PDGFD: variants seen among roughly 807,000 people sequenced by gnomAD.
The protein encoded by PDGFD is platelet-derived growth factor D.
In PDGFD, 30 loss-of-function variants were observed where a neutral mutation model predicts 44.7. That is an observed-to-expected ratio of 0.67 (90% CI 0.50 to 0.91). The LOEUF (loss-of-function observed/expected upper bound fraction) is 0.91, where lower values mean the gene tolerates loss of function less well. PDGFD is among the 40% of genes least tolerant of loss of function. The pLI, the probability that PDGFD is intolerant of heterozygous loss-of-function variation, is 0.00. For missense variants in PDGFD, 445 were observed against 457.8 expected (o/e 0.97, Z 0.25); for synonymous variants, 173 against 168.4 (o/e 1.03, Z -0.21).
At chr11:104,009,897 C>A (rs985894544) in intron 1 of PDGFD, among the ~76,000 whole-genome samples, 2 of 152,108 alleles carry the variant, frequency 1.3e-5, no homozygotes, top group African/African-American at 4.8e-5. Flanking sequence ...GAGCTGAAGT[C>A]CTCCTGGGAC....
At chr11:104,037,847 T>C (rs780401320) in intron 1 of PDGFD, 4 of 1,614,164 alleles carry the variant, frequency 2.5e-6, no homozygotes, top group South Asian at 2.2e-5. Context: ...CAATGTTCCA[T>C]CGATTTGAAG....
Position 103,943,493 on chromosome 11 carries a change from G to T in PDGFD, c.731C>A (p.Pro244His), listed in dbSNP as rs1351510591. 1 of 1,613,110 alleles carries T rather than the reference G, an allele frequency of 6.2e-7. No individual in the cohort carries two copies. Among genetic ancestry groups the T allele is most frequent in the South Asian group, 1.1e-5 (1 of 91,014 alleles). The change falls in exon 5 of 7, where the codon CCT becomes CAT. Residue 244 changes from proline to histidine, a missense_variant. Transcript: ENST00000393158. ...ATGGTATGACCTGCCTCGATACCGA[G>T]GGGTGTCCAGATACATATTCTCAAG... Reference protein sequence around the residue: ...EDLENMYLDTPRYRGRSYHDR... With the variant: ...EDLENMYLDTHRYRGRSYHDR...
chr11:104,084,703 T>C (rs1044483726), intron 1 of PDGFD, among the ~76,000 whole-genome samples: 9 of 144,984 alleles, frequency 6.2e-5, no homozygotes, highest in African/African-American at 1.8e-4. Flanking sequence ...TATAATTTTA[T>C]AATTAATAAA....
chr11:104,144,455 G>A (rs1317072671), intron 1 of PDGFD, among the ~76,000 whole-genome samples: 1 of 134,888 alleles, frequency 7.4e-6, no homozygotes, highest in Admixed American at 8.3e-5. Flanking sequence ...GCAGTGAGCT[G>A]AGATTGCGCC....
chr11:104,106,590 C>T (rs993733238), intron 1 of PDGFD, among the ~76,000 whole-genome samples: 1 of 152,254 alleles, frequency 6.6e-6, no homozygotes, highest in African/African-American at 2.4e-5. Context: ...GTGCAAGGAA[C>T]TTTGTTGTAT....
chr11:104,135,244 T>C (rs1437738726), intron 1 of PDGFD, among the ~76,000 whole-genome samples: 1 of 152,232 alleles, frequency 6.6e-6, no homozygotes, highest in Non-Finnish European at 1.5e-5. Flanking sequence ...CAGCACCTGG[T>C]ATTGGCTGTT....
intron 1 of PDGFD, among the ~76,000 whole-genome samples, chr11:104,160,508 G>A (rs1040557812): frequency 3.3e-5 from 5 of 152,122 alleles, no homozygotes; most frequent in African/African-American, 9.7e-5. Context: ...CAACTGTGTA[G>A]GCACTAAAAT....
intron 1 of PDGFD, among the ~76,000 whole-genome samples, chr11:104,129,256 CTTT>C (rs1250495281): frequency 1.3e-5 from 2 of 151,538 alleles, no homozygotes; most frequent in Non-Finnish European, 2.9e-5. Context: ...CAACTTCAAC[CTTT>C]TTTATCTTTG....
At chr11:103,937,518 T>C (rs1280474795) in intron 5 of PDGFD, among the ~76,000 whole-genome samples, 1 of 152,178 alleles carries the variant, frequency 6.6e-6, no homozygotes, top group African/African-American at 2.4e-5. Context: ...CTTAAATTCA[T>C]AGGTATATGT....
intron 5 of PDGFD, among the ~76,000 whole-genome samples, chr11:103,928,788 C>T (rs1208391691): frequency 3.9e-5 from 6 of 152,152 alleles, no homozygotes. Context: ...GGGAAAGGAA[C>T]CATTTTATTG....
intron 1 of PDGFD, among the ~76,000 whole-genome samples, chr11:104,096,241 C>A (rs201292540): frequency 1.3e-5 from 2 of 150,552 alleles, no homozygotes; most frequent in African/African-American, 2.4e-5. Context: ...ATTTTTCCTG[C>A]AAAAAAAAAC....
chr11:104,136,447 T>C (rs1008030482), intron 1 of PDGFD, among the ~76,000 whole-genome samples: 1 of 152,096 alleles, frequency 6.6e-6, no homozygotes, highest in Non-Finnish European at 1.5e-5. Context: ...AAAACAATAG[T>C]ATATGCCAAG....
intron 1 of PDGFD, among the ~76,000 whole-genome samples, chr11:104,117,679 A>G (rs1861662010): frequency 6.6e-6 from 1 of 152,028 alleles, no homozygotes; most frequent in Non-Finnish European, 1.5e-5. Flanking sequence ...CTAACCAAGG[A>G]GATGAAAGAC....
At chr11:104,050,354 A>G (rs571942934) in intron 1 of PDGFD, among the ~76,000 whole-genome samples, 42 of 152,142 alleles carry the variant, frequency 2.8e-4, no homozygotes, top group Non-Finnish European at 5.0e-4. Context: ...GTGATAGAGG[A>G]TTGAGGAGGA....
At chr11:104,153,160 C>G (rs58274975) in intron 1 of PDGFD, among the ~76,000 whole-genome samples, 248 of 152,196 alleles carry the variant, frequency 1.6e-3, no homozygotes, top group African/African-American at 5.4e-3. Context: ...CAGCAACCAC[C>G]CACACAATTA....
intron 1 of PDGFD, among the ~76,000 whole-genome samples, chr11:104,095,813 G>C (rs1384847348): frequency 6.6e-6 from 1 of 152,116 alleles, no homozygotes; most frequent in African/African-American, 2.4e-5. Flanking sequence ...TGAGAAGGAT[G>C]CATCCTACAA....
intron 1 of PDGFD, among the ~76,000 whole-genome samples, chr11:104,063,640 C>T (rs555061354): frequency 1.3e-5 from 2 of 152,140 alleles, no homozygotes; most frequent in Admixed American, 1.3e-4. Context: ...GCTGGGGAGG[C>T]CTCAGGAAAC....
At chr11:103,979,192 C>T (rs900882337) in intron 3 of PDGFD, among the ~76,000 whole-genome samples, 1 of 151,958 alleles carries the variant, frequency 6.6e-6, no homozygotes, top group Non-Finnish European at 1.5e-5. Flanking sequence ...AGTCTTTGGC[C>T]AAATTTCTTT....
intron 4 of PDGFD, 68 bp downstream of exon 4, chr11:103,947,594 C>T: frequency 8.1e-7 from 1 of 1,229,246 alleles, no homozygotes; most frequent in South Asian, 1.2e-5. Context: ...CAGGTGAAGT[C>T]CTTTTGGGGT....
Sources: allele counts gnomAD v4.1 joint callset (sites outside exome capture counted in the v4.1 genomes callset), GRCh38; gene constraint gnomAD v4.1.1; transcripts MANE v1.5; gene names NCBI Gene and HGNC (gene_info 2026-07-23, HGNC 2026-07-21).